SESTD1: variants seen among roughly 807,000 people sequenced by gnomAD.
The protein encoded by SESTD1 is SEC14 and spectrin domain containing 1.
Under a neutral mutation model 101.7 loss-of-function variants are expected in SESTD1, and 43 were observed. The observed-to-expected ratio is 0.42, with a 90% CI of 0.33 to 0.55. The LOEUF (loss-of-function observed/expected upper bound fraction) is 0.55. Ranked by LOEUF, SESTD1 falls within the 20% of genes least tolerant of loss-of-function variation. The probability of loss-of-function intolerance (pLI) is 0.07; values close to 1 mark genes in which losing one functional copy is unlikely to be tolerated. For synonymous variants in SESTD1, 283 were observed against 286.8 expected (o/e 0.99, Z 0.13); for missense variants, 647 against 815.1 (o/e 0.79, Z 2.51).
intron 9 of SESTD1, among the ~76,000 whole-genome samples, 154 bp from the exon 10 acceptor site, chr2:179,132,580 C>T (rs1221113490): frequency 6.6e-6 from 1 of 152,186 alleles, no homozygotes; most frequent in Non-Finnish European, 1.5e-5. Context: ...TCTTTTGGAA[C>T]TACACAGCTA....
intron 5 of SESTD1, among the ~76,000 whole-genome samples, chr2:179,159,321 G>A (rs1048422800): frequency 1.3e-5 from 2 of 152,110 alleles, no homozygotes; most frequent in Admixed American, 6.5e-5. Flanking sequence ...ACAGACAACT[G>A]CTTCCCAGAG....
At position 179,151,377 on chromosome 2, in the gene SESTD1, G is replaced by C. The variant is rs757979382; in HGVS notation, c.384C>G (p.Ser128=). 2 of 1,593,904 alleles carry C rather than the reference G, an allele frequency of 1.3e-6. No individual in the cohort carries two copies. Among genetic ancestry groups the C allele is most frequent in the African/African-American group, 1.4e-5 (1 of 73,942 alleles). The part of the protein sequence containing the change: ...DRLGFEVILV[S]ANKLTRYIEP... ...CTATATAACGAGTCAATTTGTTGGC[G>C]GACACTAAAATAACCTATAAAAAGG... Residue 128 remains serine (S), a synonymous_variant, in exon 6 of 18, where the codon TCC becomes TCG. Coordinates refer to ENST00000428443, the MANE Select transcript of SESTD1 (RefSeq NM_178123.5).
At chr2:179,179,079 T>C (rs956216949) in intron 3 of SESTD1, among the ~76,000 whole-genome samples, 1 of 152,172 alleles carries the variant, frequency 6.6e-6, no homozygotes, top group African/African-American at 2.4e-5. Flanking sequence ...TATTTCAAAA[T>C]TGCCAGACCA....
At chr2:179,132,114 A>G (rs945353460) in intron 10 of SESTD1, 190 bp downstream of exon 10, 25 of 555,064 alleles carry the variant, frequency 4.5e-5, no homozygotes, top group African/African-American at 4.4e-4. Flanking sequence ...TAGAGACAAA[A>G]CCAAAAACAA....
chr2:179,131,566 A>T (rs2045014186), intron 10 of SESTD1, among the ~76,000 whole-genome samples: 1 of 152,196 alleles, frequency 6.6e-6, no homozygotes, highest in African/African-American at 2.4e-5. Flanking sequence ...AATCTATTTT[A>T]AATTACCAAA....
At chr2:179,148,308 G>A (rs1458599332) in intron 7 of SESTD1, among the ~76,000 whole-genome samples, 1 of 152,196 alleles carries the variant, frequency 6.6e-6, no homozygotes, top group Non-Finnish European at 1.5e-5. Context: ...AAAAATTACT[G>A]TTTTAGTGAC....
rs375438417 is a variant in SESTD1 at position 179,131,805 on chromosome 2, C to T, written c.972+499G>A. ...ATACCTGTGATTTGTCTGATTACCC[C>T]TTTCACAAATACAAAAGGGACCCCT... On this transcript the variant is annotated intron_variant, in intron 10 of 17. Transcript: ENST00000428443. Among the ~76,000 whole-genome samples, 72 of 152,246 alleles carry T rather than the reference C, an allele frequency of 4.7e-4. No individual in the cohort carries two copies. In the East Asian group the frequency reaches 0.013, roughly 28 times the overall value.
At chr2:179,192,031 T>C (rs1420773557) in intron 1 of SESTD1, among the ~76,000 whole-genome samples, 165 bp from the exon 2 acceptor site, 3 of 152,152 alleles carry the variant, frequency 2.0e-5, no homozygotes, top group Non-Finnish European at 2.9e-5. Context: ...GTAGAATAGT[T>C]TGCAGCATCC....
intron 1 of SESTD1, among the ~76,000 whole-genome samples, chr2:179,229,992 T>G (rs965265157): frequency 6.7e-6 from 1 of 150,154 alleles, no homozygotes; most frequent in African/African-American, 2.4e-5. Flanking sequence ...GCAATCTTCA[T>G]CTATATAAAA....
intron 8 of SESTD1, among the ~76,000 whole-genome samples, chr2:179,145,178 A>G (rs2045366733): frequency 6.6e-6 from 1 of 152,216 alleles, no homozygotes; most frequent in Non-Finnish European, 1.5e-5. Context: ...AAAGCTATGA[A>G]TATCAGAATA....
chr2:179,178,777 T>C (rs1395921463), intron 3 of SESTD1, among the ~76,000 whole-genome samples: 1 of 152,178 alleles, frequency 6.6e-6, no homozygotes, highest in Admixed American at 6.5e-5. Context: ...ATTCTCATAA[T>C]GTGATACTTT....
intron 10 of SESTD1, among the ~76,000 whole-genome samples, chr2:179,130,445 A>C (rs544358845): frequency 2.0e-5 from 3 of 152,248 alleles, no homozygotes; most frequent in African/African-American, 4.8e-5. Flanking sequence ...AAACCTTATA[A>C]ATATATTAAA....
At chr2:179,166,616 A>G (rs2045839650) in intron 5 of SESTD1, among the ~76,000 whole-genome samples, 1 of 152,220 alleles carries the variant, frequency 6.6e-6, no homozygotes. Flanking sequence ...ACAACAGAGA[A>G]TGCCTCTCTA....
At chr2:179,173,900 G>A (rs1423512676) in intron 4 of SESTD1, among the ~76,000 whole-genome samples, 4 of 151,904 alleles carry the variant, frequency 2.6e-5, no homozygotes, top group Non-Finnish European at 5.9e-5. Flanking sequence ...TTGCAGCACT[G>A]AATAATTATA....
At chr2:179,146,926 TG>T (rs2045408911) in intron 7 of SESTD1, among the ~76,000 whole-genome samples, 2 of 151,802 alleles carry the variant, frequency 1.3e-5, no homozygotes, top group African/African-American at 2.4e-5. Flanking sequence ...TGTGTGTGTG[TG>T]TGTGTGTGTG....
chr2:179,222,196 G>A (rs563004775), intron 1 of SESTD1, among the ~76,000 whole-genome samples: 60 of 152,154 alleles, frequency 3.9e-4, no homozygotes, highest in Non-Finnish European at 7.1e-4. Context: ...ATGGGATTCT[G>A]TTCCAAAGAG....
chr2:179,133,555 A>C (rs892178270), intron 9 of SESTD1, among the ~76,000 whole-genome samples: 1 of 152,172 alleles, frequency 6.6e-6, no homozygotes, highest in Admixed American at 6.6e-5. Context: ...GGTATTACCA[A>C]GCTTTACCTT....
In SESTD1 at chr2:179,150,006, T is replaced by C. The variant is rs554420602; in HGVS notation, c.484-612A>G. 2.2e-4 allele frequency among the ~76,000 whole-genome samples: 33 copies of C among 151,980 alleles called. 1 individual carries two copies. The South Asian group carries it at 5.0e-3, about 23-fold the overall frequency. On this transcript the variant is annotated intron_variant, in intron 6 of 17. Coordinates refer to ENST00000428443, the MANE Select transcript of SESTD1 (RefSeq NM_178123.5). ...ATTTTGGGAGGCCGAGGCAGAGGGG[T>C]TGCTTGAGCCCAGGAGTTCATGACT...
intron 16 of SESTD1, among the ~76,000 whole-genome samples, chr2:179,113,795 G>A (rs956810098): frequency 6.6e-6 from 1 of 151,964 alleles, no homozygotes; most frequent in African/African-American, 2.4e-5. Flanking sequence ...AGCTCCAGGA[G>A]GTGGAGCCTG....
Sources: allele counts gnomAD v4.1 joint callset (sites outside exome capture counted in the v4.1 genomes callset), GRCh38; gene constraint gnomAD v4.1.1; transcripts MANE v1.5; gene names NCBI Gene and HGNC (gene_info 2026-07-23, HGNC 2026-07-21).